The following EPB41L4A variants were observed in gnomAD, a reference collection of about 807,000 sequenced individuals.
EPB41L4A encodes the protein band 4.1-like protein 4A.
EPB41L4A carries 100 observed loss-of-function variants against 108.6 expected under a neutral mutation model. That is an observed-to-expected ratio of 0.92 (90% CI 0.78 to 1.09). The LOEUF (loss-of-function observed/expected upper bound fraction) is 1.09. Ranked by LOEUF, EPB41L4A falls within the 50% of genes least tolerant of loss-of-function variation. The pLI is 0.00. For missense variants in EPB41L4A, 1,030 were observed against 842.7 expected (o/e 1.22, Z -2.75); for synonymous variants, 319 against 289.0 (o/e 1.10, Z -1.05).
intron 1 of EPB41L4A, among the ~76,000 whole-genome samples, chr5:112,357,663 C>T (rs527672651): frequency 4.7e-4 from 72 of 152,274 alleles, no homozygotes; most frequent in South Asian, 8.3e-4. Flanking sequence ...AGTACATTTG[C>T]TTGTCCTCTT....
intron 3 of EPB41L4A, among the ~76,000 whole-genome samples, 177 bp from the exon 4 acceptor site, chr5:112,275,581 A>C (rs1393239714): frequency 6.6e-6 from 1 of 152,216 alleles, no homozygotes; most frequent in East Asian, 1.9e-4. Context: ...ACATACACAC[A>C]CACAGATAAA....
chr5:112,290,686 T>C (rs1184802037), intron 2 of EPB41L4A, among the ~76,000 whole-genome samples: 6 of 152,180 alleles, frequency 3.9e-5, no homozygotes, highest in African/African-American at 1.4e-4. Flanking sequence ...AAATCCTAAA[T>C]TTGCCATGTC....
At chr5:112,264,080 T>G (rs568870812) in intron 6 of EPB41L4A, 1 of 152,400 alleles carries the variant, frequency 6.6e-6, no homozygotes, top group African/African-American at 2.4e-5. Flanking sequence ...CCCAAAGTGC[T>G]GGGATTGCAG....
At position 112,215,771 on chromosome 5, in the gene EPB41L4A, A is replaced by AAG. The variant is rs1554079190; in HGVS notation, c.1088-5790_1088-5789insCT. On this transcript the variant is annotated intron_variant, in intron 12 of 22. Transcript: ENST00000261486. ...GAGTGAGACTCCATCTCAAAAAAAAAAAAAAACAAAAAAAACAAAAAAAAA... is the reference window on the plus strand; with the variant it reads ...GAGTGAGACTCCATCTCAAAAAAAAAAGAAAAAACAAAAAAAACAAAAAAAAA... Among the ~76,000 whole-genome samples the AAG allele has an allele frequency of 8.8e-5, 13 of 147,140 alleles. No individual in the cohort carries two copies. The East Asian group carries it at 2.4e-3, about 28-fold the overall frequency.
intron 12 of EPB41L4A, among the ~76,000 whole-genome samples, chr5:112,149,893 T>C (rs1031248930): frequency 1.3e-5 from 2 of 152,050 alleles, no homozygotes; most frequent in East Asian, 3.9e-4. Context: ...TAGGGCCACT[T>C]GGGAGTTAGG....
intron 11 of EPB41L4A, among the ~76,000 whole-genome samples, chr5:112,235,722 T>C (rs1749282005): frequency 6.6e-6 from 1 of 152,102 alleles, no homozygotes; most frequent in Admixed American, 6.5e-5. Context: ...CTACCTTTAT[T>C]AAAAATGAAG....
At chr5:112,363,990 A>T (rs1278551704) in intron 1 of EPB41L4A, among the ~76,000 whole-genome samples, 3 of 152,146 alleles carry the variant, frequency 2.0e-5, no homozygotes, top group Non-Finnish European at 4.4e-5. Flanking sequence ...GGTAATAATG[A>T]TCCTGTGCCA....
chr5:112,237,933 G>A (rs1749470241), intron 11 of EPB41L4A, among the ~76,000 whole-genome samples: 1 of 152,124 alleles, frequency 6.6e-6, no homozygotes, highest in Non-Finnish European at 1.5e-5. Flanking sequence ...TTTTGCAAAG[G>A]TTACTTTTAA....
intron 1 of EPB41L4A, among the ~76,000 whole-genome samples, chr5:112,358,926 G>A (rs1758535445): frequency 6.6e-6 from 1 of 152,132 alleles, no homozygotes; most frequent in Non-Finnish European, 1.5e-5. Context: ...CTAGGTGAAA[G>A]AAAACAGACA....
intron 1 of EPB41L4A, among the ~76,000 whole-genome samples, chr5:112,408,379 T>C (rs538803810): frequency 2.6e-5 from 4 of 152,090 alleles, no homozygotes; most frequent in South Asian, 2.1e-4. Context: ...AATCAAAAAT[T>C]TGTGGGTATA....
chr5:112,203,402 T>C (rs1428394561), intron 15 of EPB41L4A, among the ~76,000 whole-genome samples: 1 of 151,990 alleles, frequency 6.6e-6, no homozygotes, highest in Non-Finnish European at 1.5e-5. Context: ...GAAAAAGTCA[T>C]TTATACAATG....
At chr5:112,349,784 T>C (rs1052197046) in intron 1 of EPB41L4A, among the ~76,000 whole-genome samples, 5 of 152,070 alleles carry the variant, frequency 3.3e-5, no homozygotes, top group African/African-American at 9.7e-5. Context: ...AGGAAGCTGA[T>C]AGTGGGAAAA....
chr5:112,234,501 T>C (rs1749188125), intron 12 of EPB41L4A, 133 bp downstream of exon 12: 1 of 771,784 alleles, frequency 1.3e-6, no homozygotes, highest in Non-Finnish European at 1.8e-6. Flanking sequence ...AAATTTCTAA[T>C]ATTAGAAAAT....
At chr5:112,357,821 G>T (rs1450068872) in intron 1 of EPB41L4A, among the ~76,000 whole-genome samples, 3 of 152,180 alleles carry the variant, frequency 2.0e-5, no homozygotes. Context: ...GAGCTATGTG[G>T]ATGGACCACT....
At chr5:112,368,111 G>A (rs1759251325) in intron 1 of EPB41L4A, among the ~76,000 whole-genome samples, 1 of 152,144 alleles carries the variant, frequency 6.6e-6, no homozygotes, top group Non-Finnish European at 1.5e-5. Flanking sequence ...TGCAGCAAAG[G>A]AAACACATTT....
At chr5:112,334,082 G>A (rs1224333881) in intron 1 of EPB41L4A, among the ~76,000 whole-genome samples, 1 of 151,988 alleles carries the variant, frequency 6.6e-6, no homozygotes, top group Non-Finnish European at 1.5e-5. Flanking sequence ...CTTATTATAC[G>A]CTCCTCCCTT....
At chr5:112,232,758 T>C (rs1362034822) in intron 12 of EPB41L4A, among the ~76,000 whole-genome samples, 1 of 152,220 alleles carries the variant, frequency 6.6e-6, no homozygotes, top group Non-Finnish European at 1.5e-5. Flanking sequence ...CCAGGAGACC[T>C]GGGCTCCTGT....
chr5:112,323,486 C>T (rs1332064243), intron 1 of EPB41L4A, among the ~76,000 whole-genome samples: 1 of 152,196 alleles, frequency 6.6e-6, no homozygotes, highest in Non-Finnish European at 1.5e-5. Flanking sequence ...TTACAAATAA[C>T]TTTACTGTTT....
In EPB41L4A at chr5:112,208,118, C is replaced by T. The variant is rs1287503006; in HGVS notation, c.1178+1774G>A. ...AAAATTAGCTGGGAGTGGTGGCACA[C>T]GCCTGTAGTCCCAGCTACTTGGGAG... On this transcript the variant is annotated intron_variant, in intron 13 of 22. Coordinates refer to ENST00000261486, the MANE Select transcript of EPB41L4A (RefSeq NM_022140.5). 3.9e-5 allele frequency among the ~76,000 whole-genome samples: 6 copies of T among 151,952 alleles called. No homozygotes were observed. In the East Asian group the frequency reaches 5.8e-4, roughly 15 times the overall value.
Sources: allele counts gnomAD v4.1 joint callset (sites outside exome capture counted in the v4.1 genomes callset), GRCh38; gene constraint gnomAD v4.1.1; transcripts MANE v1.5; gene names NCBI Gene and HGNC (gene_info 2026-07-23, HGNC 2026-07-21).